Variants in MAP3K11 observed in about 807,000 individuals in gnomAD.
The protein encoded by MAP3K11 is SH3 domain-containing proline-rich kinase.
MAP3K11 carries 46 observed loss-of-function variants against 84.9 expected under a neutral mutation model. That is an observed-to-expected ratio of 0.54 (90% confidence interval 0.43 to 0.69). The LOEUF is 0.69. Among genes scored for constraint, MAP3K11 ranks in the 30% least tolerant of loss-of-function variants. The probability of loss-of-function intolerance (pLI) is 0.00; values close to 1 mark genes in which losing one functional copy is unlikely to be tolerated. For synonymous variants in MAP3K11, 527 were observed against 514.7 expected (o/e 1.02, Z -0.32); for missense variants, 1,053 against 1,198.3 (o/e 0.88, Z 1.79).
At position 65,598,222 on chromosome 11, in the gene MAP3K11, G is replaced by C; in HGVS notation, c.*69C>G. 4 of 1,285,350 alleles carry C rather than the reference G, an allele frequency of 3.1e-6. No individual in the cohort carries two copies. Among genetic ancestry groups the C allele is most frequent in the Non-Finnish European group, 4.0e-6 (4 of 993,752 alleles). The allele number at this position is 1,285,350 out of a possible 1,614,324, so 79.6% of individuals were successfully genotyped here. Reference sequence around the variant, plus strand: ...TGAGGCAGCTGCAGAGGCTGACCCAGCTCCTGTTCCAGTGTATGCTGTGAC... The same window carrying C: ...TGAGGCAGCTGCAGAGGCTGACCCACCTCCTGTTCCAGTGTATGCTGTGAC... On this transcript the variant is annotated 3_prime_UTR_variant, in exon 10 of 10. Transcript: ENST00000309100.
chr11:65,601,613 A>T (rs112753386), intron 8 of MAP3K11, among the ~76,000 whole-genome samples: 6 of 151,334 alleles, frequency 4.0e-5, no homozygotes, highest in African/African-American at 1.2e-4. Flanking sequence ...AAAATTAGCC[A>T]GGCGTGGTGG....
rs557115924 is a variant in MAP3K11 at position 65,606,102 on chromosome 11, A to C, written c.1604-21T>G. 13 of 1,554,346 alleles carry C rather than the reference A, an allele frequency of 8.4e-6. No individual in the cohort carries two copies. The South Asian group carries it at 1.6e-4, about 19-fold the overall frequency. On this transcript the variant is annotated intron_variant, in intron 6 of 9. Coordinates refer to ENST00000309100, the MANE Select transcript of MAP3K11 (RefSeq NM_002419.4). ...CTCCACTGCAGGGGAAACCGATGAA[A>C]TCGGAGATAATCTTTATTCTCCCTC...
Position 65,598,371 on chromosome 11 carries a change from G to A in MAP3K11, c.2464C>T (p.Gln822Ter), listed in dbSNP as rs1372574239. The change falls in exon 10 of 10, where the codon CAG becomes TAG. Residue 822 changes from glutamine (Q) to a stop codon, truncating the protein, a stop_gained. Transcript: ENST00000309100. LOFTEE classifies it high-confidence loss of function. ...FWDSPPANPF[Q>*]GGPQDCRAQT... is the part of the protein sequence containing the mutation. Reference sequence around the variant, plus strand: ...GCCCTGCAGTCCTGGGGGCCCCCCTGGAAGGGGTTGGCAGGTGGGGAGTCC... The same window carrying A: ...GCCCTGCAGTCCTGGGGGCCCCCCTAGAAGGGGTTGGCAGGTGGGGAGTCC... 1.9e-6 allele frequency: 3 copies of A among 1,547,786 alleles called. No individual in the cohort carries two copies. The highest frequency in any genetic ancestry group is 2.6e-6 in the Non-Finnish European group (3 of 1,144,360).
At position 65,597,940 on chromosome 11, in the gene MAP3K11, G is replaced by T; in HGVS notation, c.*351C>A. On this transcript the variant is annotated 3_prime_UTR_variant, in exon 10 of 10. Coordinates refer to ENST00000309100, the MANE Select transcript of MAP3K11 (RefSeq NM_002419.4). ...CCGCAGTAGCAGGACTTGGTCAAAA[G>T]TGCTGGTGACAGCTGAGGCCGGCCC... is the stretch of plus-strand genomic sequence containing the variant. The T allele has an allele frequency of 4.4e-6, 1 of 228,452 alleles. No homozygotes were observed. Among genetic ancestry groups the T allele is most frequent in the Non-Finnish European group, 8.5e-6 (1 of 117,930 alleles). 14.2% of individuals were successfully genotyped at this position (228,452 alleles called of 1,614,324 possible). A position where few individuals can be genotyped will look rare whatever the true frequency, so the allele number is the denominator to read the frequency against.
At chr11:65,603,733 C>T (rs772655083) in intron 8 of MAP3K11, among the ~76,000 whole-genome samples, 38 of 152,250 alleles carry the variant, frequency 2.5e-4, no homozygotes, top group Non-Finnish European at 2.2e-4. Flanking sequence ...AGCCACTGAG[C>T]TGGGCAGCTG....
In MAP3K11 at chr11:65,613,625, C is replaced by T. The variant is rs746230771; in HGVS notation, c.132G>A (p.Pro44=). The T allele has an allele frequency of 6.6e-5, 107 of 1,612,914 alleles. No individual in the cohort carries two copies. Among genetic ancestry groups the T allele is most frequent in the Non-Finnish European group, 7.9e-5 (93 of 1,180,010 alleles). ...CGTAGTCGAACAGGGCTGTCCACAC[C>T]GGGTTGGCATAACCCGCTGCCTTTG... ...GSPKAAGYAN[P]VWTALFDYEP... The change falls in exon 1 of 10, where the codon CCG becomes CCA. Residue 44 remains proline, a synonymous_variant. Transcript: ENST00000309100.
chr11:65,599,623 G>T lies in MAP3K11; in HGVS notation c.1977C>A (p.Arg659=). Residue 659 remains arginine (R), a synonymous_variant, in exon 9 of 10, where the codon CGC becomes CGA. Coordinates refer to ENST00000309100, the MANE Select transcript of MAP3K11 (RefSeq NM_002419.4). ...CTGGGCCTCCCGGCGGCTGCAGGTC[G>T]CGGCCAAGGCCCAGCGAGGCGAGCA... is the stretch of plus-strand genomic sequence containing the variant. The part of the protein sequence containing the change: ...TALLASLGLG[R]DLQPPGGPGR... 1 of 1,538,128 alleles carries T rather than the reference G, an allele frequency of 6.5e-7. No homozygotes were observed. Among genetic ancestry groups the T allele is most frequent in the Non-Finnish European group, 8.7e-7 (1 of 1,147,624 alleles).
intron 5 of MAP3K11, 59 bp from the exon 6 acceptor site, chr11:65,606,863 C>G: frequency 8.6e-7 from 1 of 1,167,746 alleles, no homozygotes; most frequent in Non-Finnish European, 1.3e-6. Context: ...AGCCAGGACC[C>G]CAACCTGCAG....
chr11:65,604,554 G>A (rs1854486744), intron 8 of MAP3K11, among the ~76,000 whole-genome samples: 1 of 152,256 alleles, frequency 6.6e-6, no homozygotes, highest in African/African-American at 2.4e-5. Context: ...TCTACTGGTT[G>A]CCTTACATCA....
At chr11:65,605,205 C>A (rs1377189753) in intron 8 of MAP3K11, among the ~76,000 whole-genome samples, 2 of 152,142 alleles carry the variant, frequency 1.3e-5, no homozygotes, top group Non-Finnish European at 2.9e-5. Flanking sequence ...AGGGCAGTTA[C>A]CGTCATGGAG....
rs935282635 is a variant in MAP3K11, at chr11:65,614,047, C to T, written c.-291G>A. 4.4e-5 allele frequency: 19 copies of T among 432,022 alleles called. No individual in the cohort carries two copies. The highest frequency in any genetic ancestry group is 7.5e-5 in the Non-Finnish European group (18 of 239,052). The allele number at this position is 432,022 out of a possible 1,614,324, so 26.8% of individuals were successfully genotyped here. On this transcript the variant is annotated 5_prime_UTR_variant, in exon 1 of 10. Coordinates refer to ENST00000309100, the MANE Select transcript of MAP3K11 (RefSeq NM_002419.4). ...GGAGGGACCCGAGCTTCCCTCGGTTCTGGAGCAGTCCTGGGAGCCTGGCTC... is the reference window on the plus strand; with the variant it reads ...GGAGGGACCCGAGCTTCCCTCGGTTTTGGAGCAGTCCTGGGAGCCTGGCTC...
At position 65,605,841 on chromosome 11, in the gene MAP3K11, C is replaced by T. The variant is rs144864133; in HGVS notation, c.1751G>A (p.Arg584His). The change falls in exon 8 of 10, where the codon CGC becomes CAC. Residue 584 changes from arginine to histidine, a missense_variant. Coordinates refer to ENST00000309100, the MANE Select transcript of MAP3K11 (RefSeq NM_002419.4). ...GEAQNGRRRSRMDEATWYLDS... is the reference protein window; with the variant it reads ...GEAQNGRRRSHMDEATWYLDS... Reference sequence around the variant, plus strand: ...CAGGTACCATGTGGCTTCGTCCATGCGGGACCTTCTCCTGGTGATGGGAGG... The same window carrying T: ...CAGGTACCATGTGGCTTCGTCCATGTGGGACCTTCTCCTGGTGATGGGAGG... 1.2e-5 allele frequency: 20 copies of T among 1,612,974 alleles called. No individual in the cohort carries two copies. Among genetic ancestry groups the T allele is most frequent in the South Asian group, 7.7e-5 (7 of 90,972 alleles).
At chr11:65,607,047 TGAACCCCACCC>T (rs1351806803) in intron 5 of MAP3K11, 4 of 712,848 alleles carry the variant, frequency 5.6e-6, no homozygotes, top group Non-Finnish European at 8.5e-6. Flanking sequence ...AGAACTTTCG[TGAACCCCACCC>T]CTTCCCACTC....
intron 5 of MAP3K11, chr11:65,607,031 C>G (rs893253262): frequency 7.5e-5 from 49 of 650,532 alleles, no homozygotes; most frequent in Admixed American, 1.2e-4. Context: ...CCCACTAGAC[C>G]TTCCCAGAAC....
chr11:65,601,822 G>A (rs986631723), intron 8 of MAP3K11, among the ~76,000 whole-genome samples: 1 of 10,438 alleles, frequency 9.6e-5, no homozygotes, highest in Non-Finnish European at 1.2e-3. Context: ...CACCAACCAC[G>A]AGGTTATCAT....
chr11:65,603,629 C>CG (rs34555075), intron 8 of MAP3K11, among the ~76,000 whole-genome samples: 2 of 152,168 alleles, frequency 1.3e-5, no homozygotes, highest in East Asian at 3.9e-4. Flanking sequence ...AGCTGGGTTT[C>CG]GGGGGGTGGC....
Position 65,607,425 on chromosome 11 carries a change from A to G in MAP3K11, c.1334T>C (p.Leu445Pro). ...GAACACCTCTAGCTCCCACTGGGCC[A>G]GCAGGTGCTCGCGCCGCCGCAGCTG... ...AEQLRRREHL[L>P]AQWELEVFER... The change falls in exon 5 of 10, where the codon CTG becomes CCG. Residue 445 changes from leucine (L) to proline (P), a missense_variant. By Grantham distance (98) the Leu-to-Pro change is moderately conservative. Around this residue, in one of 3 missense-constraint regions of MAP3K11, gnomAD observed 310 missense variants for 464.5 expected, o/e 0.67. Coordinates refer to ENST00000309100, the MANE Select transcript of MAP3K11 (RefSeq NM_002419.4). The G allele has an allele frequency of 6.7e-7, 1 of 1,501,592 alleles. No homozygotes were observed. The highest frequency in any genetic ancestry group is 8.8e-7 in the Non-Finnish European group (1 of 1,134,274). 93.0% of individuals were successfully genotyped at this position (1,501,592 alleles called of 1,614,324 possible).
intron 8 of MAP3K11, among the ~76,000 whole-genome samples, chr11:65,604,580 C>G (rs1854487051): frequency 6.6e-6 from 1 of 152,252 alleles, no homozygotes; most frequent in Admixed American, 6.5e-5. Flanking sequence ...CTTAATCTCT[C>G]TGTGCCTCAG....
At chr11:65,602,911 G>A (rs149636495) in intron 8 of MAP3K11, among the ~76,000 whole-genome samples, 2 of 152,122 alleles carry the variant, frequency 1.3e-5, no homozygotes, top group African/African-American at 4.8e-5. Context: ...GCGCAGCCCA[G>A]CCTGGGCAAC....
Sources: gnomAD v4.1 joint callset for allele counts (sites outside exome capture counted in the v4.1 genomes callset) on GRCh38, gnomAD v4.1.1 for gene constraint, gnomAD v4.1.1 regional missense constraint, MANE v1.5 for transcripts, NCBI Gene and HGNC (gene_info 2026-07-23, HGNC 2026-07-21) for gene names.